The following MAPKAPK5 variants were observed in gnomAD, a reference collection of about 807,000 sequenced individuals.
MAPKAPK5 encodes the protein MAPK activated protein kinase 5, also known as MAP kinase-activated protein kinase 5.
MAPKAPK5 carries 30 observed loss-of-function variants against 65.1 expected under a neutral mutation model. That is an observed-to-expected ratio of 0.46 (90% CI 0.34 to 0.63). MAPKAPK5 has a LOEUF of 0.63. Ranked by LOEUF, MAPKAPK5 falls within the 20% of genes least tolerant of loss-of-function variation. The pLI is 0.01. For missense variants in MAPKAPK5, 433 were observed against 581.4 expected (o/e 0.74, Z 2.63); for synonymous variants, 179 against 204.6 (o/e 0.87, Z 1.07).
chr12:111,844,483 G>T (rs577722153), intron 1 of MAPKAPK5, among the ~76,000 whole-genome samples: 1 of 152,200 alleles, frequency 6.6e-6, no homozygotes, highest in East Asian at 1.9e-4. Context: ...GAGCCACCGC[G>T]CCCAGCCTTG....
chr12:111,870,478 C>T, intron 6 of MAPKAPK5, 118 bp downstream of exon 6: 1 of 648,818 alleles, frequency 1.5e-6, no homozygotes, highest in Admixed American at 2.8e-5. Context: ...GTGCTTCAAA[C>T]AGCTTATTTC....
intron 3 of MAPKAPK5, among the ~76,000 whole-genome samples, chr12:111,866,818 C>T (rs1433027206): frequency 2.0e-5 from 3 of 152,194 alleles, no homozygotes; most frequent in Non-Finnish European, 4.4e-5. Context: ...ATCAGGTTGG[C>T]CTTGAACTCC....
intron 4 of MAPKAPK5, 47 bp from the exon 5 acceptor site, chr12:111,868,702 CTTTT>C: frequency 7.4e-7 from 1 of 1,354,308 alleles, no homozygotes; most frequent in Non-Finnish European, 1.0e-6. Flanking sequence ...TTTTTTGTTT[CTTTT>C]TCTTTTTTTT....
At chr12:111,888,235 T>G (rs1480821340) in intron 10 of MAPKAPK5, 2 of 391,390 alleles carry the variant, frequency 5.1e-6, no homozygotes, top group Non-Finnish European at 9.3e-6. Flanking sequence ...CTGGTATTTC[T>G]TACTCGCATT....
intron 7 of MAPKAPK5, among the ~76,000 whole-genome samples, chr12:111,876,582 A>G (rs909445941): frequency 4.6e-5 from 7 of 152,158 alleles, no homozygotes; most frequent in African/African-American, 1.7e-4. Flanking sequence ...TATCAAATAA[A>G]CACCATATCA....
chr12:111,885,147 T>A (rs2070362675), intron 9 of MAPKAPK5, among the ~76,000 whole-genome samples: 1 of 152,204 alleles, frequency 6.6e-6, no homozygotes, highest in African/African-American at 2.4e-5. Context: ...GATAATCCTT[T>A]CTTTAGAATC....
At position 111,855,978 on chromosome 12, in the gene MAPKAPK5, C is replaced by T. The variant is rs544387239; in HGVS notation, c.37-9272C>T. On this transcript the variant is annotated intron_variant, in intron 1 of 13. Coordinates refer to ENST00000550735, the MANE Select transcript of MAPKAPK5 (RefSeq NM_003668.4). ...TCAAGCGATTATCCTGCCTCAGCCT[C>T]CCGAGTAGCTGGGATTACAGGCATA... Among the ~76,000 whole-genome samples the T allele has an allele frequency of 7.9e-5, 12 of 151,644 alleles. No homozygotes were observed. The East Asian group carries it at 2.4e-3, about 30-fold the overall frequency.
chr12:111,843,821 G>C (rs1394274043), intron 1 of MAPKAPK5, among the ~76,000 whole-genome samples: 1 of 152,148 alleles, frequency 6.6e-6, no homozygotes, highest in African/African-American at 2.4e-5. Flanking sequence ...TTGTCTGTTT[G>C]TTTGTTTTTG....
intron 1 of MAPKAPK5, 50 bp from the exon 2 acceptor site, chr12:111,865,200 T>G: frequency 1.7e-6 from 2 of 1,175,888 alleles, no homozygotes; most frequent in Non-Finnish European, 2.5e-6. Flanking sequence ...TTATTCAGTT[T>G]GTTAACTGAG....
rs542334601 is a variant in MAPKAPK5, at chr12:111,884,869, T to G, written c.849-1047T>G. ...TTACTCCCTTTCAAAAGTAAGCTTGTCCTGTTGATTAGAAGGTGGGGGTTG... is the reference window on the plus strand; with the variant it reads ...TTACTCCCTTTCAAAAGTAAGCTTGGCCTGTTGATTAGAAGGTGGGGGTTG... On this transcript the variant is annotated intron_variant, in intron 9 of 13. Transcript: ENST00000550735. Among the ~76,000 whole-genome samples, 7 of 152,284 alleles carry G rather than the reference T, an allele frequency of 4.6e-5. No homozygotes were observed. In the East Asian group the frequency reaches 1.3e-3, roughly 29 times the overall value.
chr12:111,877,623 GTTGT>G (rs992945503), intron 7 of MAPKAPK5, among the ~76,000 whole-genome samples: 5 of 152,176 alleles, frequency 3.3e-5, no homozygotes, highest in East Asian at 1.9e-4. Flanking sequence ...ACAAAATTGG[GTTGT>G]TTATTTTCTT....
rs1490219934 is a variant in MAPKAPK5 at position 111,898,173 on chromosome 12, A to C, written c.*5112A>C. On this transcript the variant is annotated 3_prime_UTR_variant, in exon 14 of 14. Transcript: ENST00000550735. ...GTTAGTCAGCTTTTATTTTGACCCC[A>C]CAGTTTTTTTTTTGAGACGGATTCT... 1.3e-5 allele frequency: 2 copies of C among 150,526 alleles called. No homozygotes were observed. The highest frequency in any genetic ancestry group is 2.4e-5 in the African/African-American group (1 of 40,994). 9.3% of individuals were successfully genotyped at this position (150,526 alleles called of 1,614,324 possible).
At chr12:111,887,559 G>C (rs2070444266) in intron 10 of MAPKAPK5, 1 of 152,284 alleles carries the variant, frequency 6.6e-6, no homozygotes, top group Non-Finnish European at 1.5e-5. Context: ...TGTAATCCCA[G>C]CTACTCTGGA....
intron 1 of MAPKAPK5, 99 bp downstream of exon 1, chr12:111,842,868 T>C: frequency 8.6e-7 from 1 of 1,166,286 alleles, no homozygotes; most frequent in African/African-American, 1.6e-5. Flanking sequence ...AGAGGTTCCA[T>C]CGACTACCGG....
intron 13 of MAPKAPK5, among the ~76,000 whole-genome samples, chr12:111,891,637 C>CAAAAAAA (rs78504500): frequency 1.2e-5 from 1 of 86,222 alleles, no homozygotes; most frequent in Non-Finnish European, 2.5e-5. Context: ...ACTAAAAATA[C>CAAAAAAA]AAAAAAAAAA....
chr12:111,868,880 C>T lies in MAPKAPK5; in HGVS notation c.393+19C>T. 6.5e-7 allele frequency: 1 copy of T among 1,528,560 alleles called. No homozygotes were observed. Among genetic ancestry groups the T allele is most frequent in the South Asian group, 1.2e-5 (1 of 80,952 alleles). 94.7% of individuals were successfully genotyped at this position (1,528,560 alleles called of 1,614,324 possible). On this transcript the variant is annotated intron_variant, in intron 5 of 13. Coordinates refer to ENST00000550735, the MANE Select transcript of MAPKAPK5 (RefSeq NM_003668.4). ...AAAGCAGGCAAGTTAACCCCAGGTA[C>T]CAATCAAACTGCCACCAAAGTTGGT...
rs765561015 is a variant in MAPKAPK5 at position 111,866,191 on chromosome 12, C to T, written c.146C>T (p.Ala49Val). ...AAGAAATCTACTCAAGAACGGTTTGCGCTGAAAATTCTTCTTGATCGTCCA... is the reference window on the plus strand; with the variant it reads ...AAGAAATCTACTCAAGAACGGTTTGTGCTGAAAATTCTTCTTGATCGTCCA... ...CVKKSTQERF[A>V]LKILLDRPKA... Residue 49 changes from alanine (A) to valine (V), a missense_variant, in exon 3 of 14, where the codon GCG becomes GTG. Physicochemically the swap from Ala to Val is moderately conservative, Grantham distance 64. Coordinates refer to ENST00000550735, the MANE Select transcript of MAPKAPK5 (RefSeq NM_003668.4). The T allele has an allele frequency of 5.6e-6, 9 of 1,612,052 alleles. No homozygotes were observed. In the East Asian group the frequency reaches 6.7e-5, roughly 12 times the overall value.
intron 3 of MAPKAPK5, among the ~76,000 whole-genome samples, 173 bp downstream of exon 3, chr12:111,866,404 A>G (rs77611091): frequency 9.9e-4 from 151 of 152,324 alleles, no homozygotes; most frequent in African/African-American, 3.4e-3. Context: ...AGATCTGTCA[A>G]TATCAAAGGC....
intron 5 of MAPKAPK5, among the ~76,000 whole-genome samples, chr12:111,869,875 A>T (rs977307498): frequency 6.6e-6 from 1 of 152,196 alleles, no homozygotes; most frequent in African/African-American, 2.4e-5. Context: ...GGAGAGTGCC[A>T]TTCTTGTCTG....
Sources: allele counts gnomAD v4.1 joint callset (sites outside exome capture counted in the v4.1 genomes callset), GRCh38; gene constraint gnomAD v4.1.1; transcripts MANE v1.5; gene names NCBI Gene and HGNC (gene_info 2026-07-23, HGNC 2026-07-21).